Variants in PDE3A observed in about 807,000 individuals in gnomAD.
PDE3A encodes the protein phosphodiesterase 3A, also known as cGMP-inhibited 3',5'-cyclic phosphodiesterase 3A.
In PDE3A, 43 loss-of-function variants were observed where a neutral mutation model predicts 98.3. That is an observed-to-expected ratio of 0.44 (90% CI 0.34 to 0.56). The LOEUF is 0.56. Ranked by LOEUF, PDE3A falls within the 20% of genes least tolerant of loss-of-function variation. The pLI is 0.01. For missense variants in PDE3A, 1,427 were observed against 1,440.7 expected, an observed-to-expected ratio of 0.99 and a Z score of 0.15; for synonymous variants, 663 against 567.9, an observed-to-expected ratio of 1.17 and a Z score of -2.38.
chr12:20,625,443 G>T (rs577128691), intron 5 of PDE3A, among the ~76,000 whole-genome samples: 2 of 152,216 alleles, frequency 1.3e-5, no homozygotes, highest in Non-Finnish European at 2.9e-5. Flanking sequence ...TCTAGACTCT[G>T]TTTTTCCTAT....
intron 1 of PDE3A, among the ~76,000 whole-genome samples, chr12:20,465,473 C>T (rs948785761): frequency 3.9e-5 from 6 of 152,112 alleles, no homozygotes; most frequent in Non-Finnish European, 7.3e-5. Flanking sequence ...TGCTGTGGCA[C>T]GATCTTGGCT....
intron 1 of PDE3A, among the ~76,000 whole-genome samples, chr12:20,426,830 A>G (rs1944608778): frequency 6.6e-6 from 1 of 152,208 alleles, no homozygotes; most frequent in South Asian, 2.1e-4. Context: ...ATTCAGTTAC[A>G]TTCACTAAAA....
intron 1 of PDE3A, among the ~76,000 whole-genome samples, chr12:20,418,082 C>G (rs1315098353): frequency 1.3e-5 from 2 of 151,916 alleles, no homozygotes; most frequent in Non-Finnish European, 2.9e-5. Context: ...CAAAAAATGT[C>G]CCCAGAGCCT....
chr12:20,562,439 C>T (rs73233956), intron 2 of PDE3A, among the ~76,000 whole-genome samples: 4,611 of 151,684 alleles, frequency 0.03, 208 homozygotes, highest in African/African-American at 0.11. Context: ...AGCATGATTT[C>T]GATCTCCTGA....
chr12:20,506,860 A>G (rs756224482), intron 1 of PDE3A, among the ~76,000 whole-genome samples: 1 of 152,042 alleles, frequency 6.6e-6, no homozygotes, highest in Non-Finnish European at 1.5e-5. Flanking sequence ...TGTTTCATAT[A>G]TGTACAAAAT....
At chr12:20,509,905 T>G (rs914774670) in intron 1 of PDE3A, among the ~76,000 whole-genome samples, 3 of 152,068 alleles carry the variant, frequency 2.0e-5, no homozygotes, top group Non-Finnish European at 4.4e-5. Context: ...AAGTAGCTTA[T>G]TTATTACGAA....
At chr12:20,442,801 G>A (rs2120850059) in intron 1 of PDE3A, among the ~76,000 whole-genome samples, 1 of 152,290 alleles carries the variant, frequency 6.6e-6, no homozygotes, top group East Asian at 1.9e-4. Context: ...GAATATTGAA[G>A]CATATGCTTA....
At chr12:20,400,379 G>GC (rs1944100975) in intron 1 of PDE3A, among the ~76,000 whole-genome samples, 1 of 110,266 alleles carries the variant, frequency 9.1e-6, no homozygotes, top group Non-Finnish European at 1.7e-5. Context: ...GTTAACATTG[G>GC]TTTTTTTTTT....
chr12:20,419,274 T>A (rs904622572), intron 1 of PDE3A, among the ~76,000 whole-genome samples: 41 of 151,960 alleles, frequency 2.7e-4, no homozygotes, highest in African/African-American at 9.2e-4. Context: ...TTTATTTTAT[T>A]TTTTTTGCTT....
chr12:20,670,237 A>T (rs1945435692), intron 15 of PDE3A, among the ~76,000 whole-genome samples: 1 of 149,118 alleles, frequency 6.7e-6, no homozygotes, highest in South Asian at 2.2e-4. Flanking sequence ...AGACTCCCAC[A>T]CATTAATAAT....
chr12:20,592,189 AT>A (rs932826136), intron 2 of PDE3A, among the ~76,000 whole-genome samples: 18 of 152,034 alleles, frequency 1.2e-4, no homozygotes, highest in Middle Eastern at 3.4e-3. Flanking sequence ...TTTAAGGGGA[AT>A]TTTTTTTAAC....
chr12:20,438,359 G>A (rs950575275), intron 1 of PDE3A, among the ~76,000 whole-genome samples: 1 of 152,090 alleles, frequency 6.6e-6, no homozygotes. Flanking sequence ...AGGGTTGTCA[G>A]GGCTGTTATG....
chr12:20,471,290 T>G (rs150395874), intron 1 of PDE3A, among the ~76,000 whole-genome samples: 1 of 152,166 alleles, frequency 6.6e-6, no homozygotes, highest in African/African-American at 2.4e-5. Context: ...CAGCCTTTTC[T>G]GCACATTAAA....
intron 1 of PDE3A, among the ~76,000 whole-genome samples, chr12:20,525,035 G>A (rs1042075050): frequency 2.0e-5 from 3 of 152,148 alleles, no homozygotes; most frequent in Non-Finnish European, 4.4e-5. Flanking sequence ...GGGAGGCTGA[G>A]GCAGGAGAAT....
intron 1 of PDE3A, among the ~76,000 whole-genome samples, chr12:20,471,794 C>G (rs903621079): frequency 6.6e-6 from 1 of 151,966 alleles, no homozygotes; most frequent in Non-Finnish European, 1.5e-5. Context: ...ATATATGATG[C>G]CTTTCTAAAG....
At chr12:20,651,976 T>A (rs1460331978) in intron 14 of PDE3A, among the ~76,000 whole-genome samples, 1 of 149,610 alleles carries the variant, frequency 6.7e-6, no homozygotes, top group Non-Finnish European at 1.5e-5. Context: ...TGTCCATGTG[T>A]TCTCATTGTT....
At chr12:20,676,222 A>G (rs1003905534) in intron 15 of PDE3A, among the ~76,000 whole-genome samples, 4 of 152,156 alleles carry the variant, frequency 2.6e-5, no homozygotes, top group Admixed American at 1.3e-4. Context: ...TTGCTTTCAC[A>G]TGTCAGCCTC....
chr12:20,633,053 C>T lies in PDE3A; in HGVS notation c.1761-640C>T, dbSNP rs373600134. On this transcript the variant is annotated intron_variant, in intron 6 of 15. Coordinates refer to ENST00000359062, the MANE Select transcript of PDE3A (RefSeq NM_000921.5). ...GCAGCCTCCATCTCCCAGGTTCAAG[C>T]GATTCTCCTGCCTCAGCCTCCCCAA... is the stretch of plus-strand genomic sequence containing the variant. Among the ~76,000 whole-genome samples, 18 of 145,616 alleles carry T rather than the reference C, an allele frequency of 1.2e-4. No homozygotes were observed. In the East Asian group the frequency reaches 2.5e-3, roughly 20 times the overall value.
At chr12:20,599,008 C>T (rs932076171) in intron 2 of PDE3A, among the ~76,000 whole-genome samples, 3 of 152,108 alleles carry the variant, frequency 2.0e-5, no homozygotes, top group Non-Finnish European at 2.9e-5. Context: ...ATTCAGTTAC[C>T]AACTGATAGA....
Sources: allele counts gnomAD v4.1 joint callset (sites outside exome capture counted in the v4.1 genomes callset), GRCh38; gene constraint gnomAD v4.1.1; transcripts MANE v1.5; gene names NCBI Gene and HGNC (gene_info 2026-07-23, HGNC 2026-07-21).